Variants in XNDC1N observed in about 807,000 individuals in gnomAD.
XNDC1N encodes XRCC1 N-terminal domain containing 1, N-terminal like.
the XNDC1N span, among the ~76,000 whole-genome samples, chr11:71,875,956 T>C: frequency 8.5e-5 from 13 of 152,072 alleles, no homozygotes; most frequent in East Asian, 1.7e-3. Flanking sequence ...AACCTGGAGG[T>C]GGAGGTTGCA....
chr11:71,868,348 G>A, the XNDC1N span, among the ~76,000 whole-genome samples: 1 of 152,156 alleles, frequency 6.6e-6, no homozygotes. Flanking sequence ...TTATTATGCA[G>A]ACTTCATTGT....
At chr11:71,889,769 T>C in the XNDC1N span, among the ~76,000 whole-genome samples, 1 of 152,126 alleles carries the variant, frequency 6.6e-6, no homozygotes, top group Non-Finnish European at 1.5e-5. Flanking sequence ...GCAGCCCCCT[T>C]TGAAGGTCTC....
At chr11:71,912,348 G>T in the XNDC1N span, among the ~76,000 whole-genome samples, 3 of 151,916 alleles carry the variant, frequency 2.0e-5, no homozygotes, top group Non-Finnish European at 4.4e-5. Flanking sequence ...CCCAAACGTG[G>T]ATGTTAGCAA....
the XNDC1N span, among the ~76,000 whole-genome samples, chr11:71,898,118 A>G: frequency 6.6e-6 from 1 of 152,046 alleles, no homozygotes; most frequent in Non-Finnish European, 1.5e-5. Context: ...CAGGAGGCGG[A>G]GGTTGGAGTG....
At chr11:71,891,214 C>T in the XNDC1N span, among the ~76,000 whole-genome samples, 2 of 149,738 alleles carry the variant, frequency 1.3e-5, no homozygotes, top group African/African-American at 2.5e-5. Context: ...GGTGGTGTAC[C>T]CCCCCTGCGA....
chr11:71,880,413 C>G, the XNDC1N span, among the ~76,000 whole-genome samples: 2 of 151,942 alleles, frequency 1.3e-5, no homozygotes, highest in Non-Finnish European at 2.9e-5. Flanking sequence ...CTCTTTTGTT[C>G]TTGGTTAGTC....
At chr11:71,901,681 C>A in the XNDC1N span, among the ~76,000 whole-genome samples, 6 of 151,950 alleles carry the variant, frequency 3.9e-5, no homozygotes, top group Non-Finnish European at 7.4e-5. Context: ...GTACCCGGGA[C>A]TTCGAGTCTG....
chr11:71,900,608 C>A, the XNDC1N span, among the ~76,000 whole-genome samples: 7 of 152,182 alleles, frequency 4.6e-5, no homozygotes, highest in African/African-American at 1.7e-4. Context: ...CTCATGATAG[C>A]AGGGAATCAG....
the XNDC1N span, among the ~76,000 whole-genome samples, chr11:71,892,518 A>G: frequency 2.6e-5 from 4 of 152,116 alleles, no homozygotes; most frequent in Non-Finnish European, 5.9e-5. Context: ...GATATTACAA[A>G]TAATATCACA....
the XNDC1N span, chr11:71,918,778 A>G: frequency 4.7e-6 from 3 of 641,676 alleles, no homozygotes; most frequent in Non-Finnish European, 8.4e-6. Flanking sequence ...AACTTATTCC[A>G]TAAAGGCTGC....
the XNDC1N span, chr11:71,927,580 T>C: frequency 6.6e-6 from 1 of 151,722 alleles, no homozygotes; most frequent in African/African-American, 2.4e-5. Context: ...CAATACTATA[T>C]AGTCATGGCT....
At chr11:71,897,386 A>C in the XNDC1N span, among the ~76,000 whole-genome samples, 2 of 152,242 alleles carry the variant, frequency 1.3e-5, no homozygotes, top group Non-Finnish European at 2.9e-5. Context: ...AAACAACAAG[A>C]AACCCAAAGC....
At chr11:71,887,644 C>T in the XNDC1N span, among the ~76,000 whole-genome samples, 4 of 152,184 alleles carry the variant, frequency 2.6e-5, no homozygotes, top group Non-Finnish European at 4.4e-5. Context: ...GTATCCAGGT[C>T]CATCTCAAGC....
the XNDC1N span, among the ~76,000 whole-genome samples, chr11:71,914,855 T>C: frequency 5.3e-5 from 8 of 152,300 alleles, no homozygotes; most frequent in African/African-American, 1.2e-4. Context: ...GTGAAGATGC[T>C]GCAAACATTA....
the XNDC1N span, among the ~76,000 whole-genome samples, chr11:71,891,298 G>A: frequency 3.9e-3 from 590 of 151,632 alleles, 5 homozygotes; most frequent in Admixed American, 8.7e-3. Flanking sequence ...AACCCCCTGC[G>A]GTCCTGGGAG....
the XNDC1N span, chr11:71,923,560 G>GTTTTTT: frequency 2.3e-6 from 1 of 436,080 alleles, no homozygotes; most frequent in Non-Finnish European, 4.2e-6. Context: ...TTTCTGTTTT[G>GTTTTTT]TTTTTTTTTT....
At chr11:71,874,013 T>A in the XNDC1N span, among the ~76,000 whole-genome samples, 1 of 152,054 alleles carries the variant, frequency 6.6e-6, no homozygotes, top group Non-Finnish European at 1.5e-5. Context: ...GAACAAAGGT[T>A]GGATTTAAGA....
At chr11:71,890,311 C>T in the XNDC1N span, among the ~76,000 whole-genome samples, 5 of 147,734 alleles carry the variant, frequency 3.4e-5, no homozygotes, top group South Asian at 4.3e-4. Context: ...TGTGCGTGTA[C>T]GCCTGTCGCG....
chr11:71,908,805 T>C, the XNDC1N span, among the ~76,000 whole-genome samples: 1 of 152,114 alleles, frequency 6.6e-6, no homozygotes, highest in Non-Finnish European at 1.5e-5. Flanking sequence ...AGCAACTAAG[T>C]GGCTAGAGGA....
Sources: allele counts gnomAD v4.1 joint callset (sites outside exome capture counted in the v4.1 genomes callset), GRCh38; gene constraint gnomAD v4.1.1; transcripts MANE v1.5; gene names NCBI Gene and HGNC (gene_info 2026-07-23, HGNC 2026-07-21).